CDH18: variants seen among roughly 807,000 people sequenced by gnomAD.
CDH18 encodes cadherin-18.
CDH18 carries 31 observed loss-of-function variants against 67.9 expected under a neutral mutation model. The ratio of observed to expected loss-of-function variants is 0.46; its 90% CI spans 0.34 to 0.62. The LOEUF (loss-of-function observed/expected upper bound fraction) is 0.62. Among genes scored for constraint, CDH18 ranks in the 20% least tolerant of loss-of-function variants. CDH18 has a pLI of 0.01. For missense variants in CDH18, 890 were observed against 975.5 expected (o/e 0.91, Z 1.17); for synonymous variants, 362 against 347.2 (o/e 1.04, Z -0.48).
chr5:20,379,767 G>C (rs777824565), intron 1 of CDH18, among the ~76,000 whole-genome samples: 1 of 151,452 alleles, frequency 6.6e-6, no homozygotes, highest in Non-Finnish European at 1.5e-5. Flanking sequence ...GTTGTACTGT[G>C]GATAGCATTT....
At chr5:20,309,875 T>C (rs925723696) in intron 1 of CDH18, among the ~76,000 whole-genome samples, 7 of 152,208 alleles carry the variant, frequency 4.6e-5, no homozygotes, top group Admixed American at 2.6e-4. Context: ...TCTCTATACT[T>C]TTTGTATCTT....
intron 2 of CDH18, among the ~76,000 whole-genome samples, chr5:20,108,466 A>G (rs1747178560): frequency 6.6e-6 from 1 of 152,106 alleles, no homozygotes; most frequent in Non-Finnish European, 1.5e-5. Context: ...CCGATGTGTG[A>G]ATTTCAGGTA....
intron 7 of CDH18, among the ~76,000 whole-genome samples, chr5:19,579,146 A>G (rs1742808522): frequency 6.6e-6 from 1 of 151,990 alleles, no homozygotes. Flanking sequence ...TCTATCACAG[A>G]CTGAAATTTG....
At chr5:19,567,135 T>A (rs1272554042) in intron 8 of CDH18, among the ~76,000 whole-genome samples, 1 of 152,096 alleles carries the variant, frequency 6.6e-6, no homozygotes, top group South Asian at 2.1e-4. Flanking sequence ...GTAAAAAATG[T>A]AGTTAGAAGG....
chr5:20,250,342 G>A (rs544224473), intron 2 of CDH18, among the ~76,000 whole-genome samples: 1,708 of 151,770 alleles, frequency 0.011, 34 homozygotes, highest in African/African-American at 0.039. Flanking sequence ...CGCCAGGCTG[G>A]AGTGCAGCCG....
intron 2 of CDH18, among the ~76,000 whole-genome samples, chr5:19,918,225 GA>G (rs1792045458): frequency 1.3e-5 from 2 of 152,176 alleles, no homozygotes; most frequent in East Asian, 3.9e-4. Flanking sequence ...GGATAACTTT[GA>G]AAAATGAAGA....
intron 5 of CDH18, among the ~76,000 whole-genome samples, chr5:19,686,170 C>T (rs62351321): frequency 0.23 from 34,349 of 151,752 alleles, 4,171 homozygotes; most frequent in Non-Finnish European, 0.26. Flanking sequence ...AAAACCAGCA[C>T]GCAATAAAAC....
At chr5:20,379,802 AC>A (rs201491572) in intron 1 of CDH18, among the ~76,000 whole-genome samples, 23,080 of 151,796 alleles carry the variant, frequency 0.15, 2,184 homozygotes, top group East Asian at 0.26. Context: ...TGAAAAAAAA[AC>A]ATTAAATTAT....
chr5:20,309,079 T>A (rs1736759870), intron 1 of CDH18, among the ~76,000 whole-genome samples: 1 of 152,194 alleles, frequency 6.6e-6, no homozygotes, highest in Non-Finnish European at 1.5e-5. Context: ...AACACACATG[T>A]ACACACATCG....
chr5:20,188,897 T>C (rs1738317135), intron 2 of CDH18, among the ~76,000 whole-genome samples: 2 of 151,138 alleles, frequency 1.3e-5, no homozygotes, highest in Non-Finnish European at 2.9e-5. Flanking sequence ...ACTTTCCATT[T>C]TGAACAGGTA....
At chr5:19,807,583 A>G (rs897460676) in intron 3 of CDH18, among the ~76,000 whole-genome samples, 1 of 152,108 alleles carries the variant, frequency 6.6e-6, no homozygotes, top group Non-Finnish European at 1.5e-5. Flanking sequence ...TTCTTTCCTA[A>G]ACCACAGGTA....
At chr5:20,315,779 T>C (rs1273462440) in intron 1 of CDH18, among the ~76,000 whole-genome samples, 1 of 152,164 alleles carries the variant, frequency 6.6e-6, no homozygotes, top group African/African-American at 2.4e-5. Context: ...CCAGTAACTC[T>C]AGATCATAGC....
intron 1 of CDH18, among the ~76,000 whole-genome samples, chr5:20,361,580 T>A (rs1032896287): frequency 1.3e-5 from 2 of 152,112 alleles, no homozygotes; most frequent in Admixed American, 1.3e-4. Context: ...CTTGCATTTC[T>A]TACACTAAAA....
chr5:20,378,130 T>C (rs1210618519), intron 1 of CDH18, among the ~76,000 whole-genome samples: 1 of 152,200 alleles, frequency 6.6e-6, no homozygotes, highest in African/African-American at 2.4e-5. Context: ...AGAAAGAGAA[T>C]GCTCTTCTCA....
At chr5:20,063,492 C>T (rs569993369) in intron 2 of CDH18, among the ~76,000 whole-genome samples, 17 of 152,156 alleles carry the variant, frequency 1.1e-4, no homozygotes, top group Non-Finnish European at 2.1e-4. Flanking sequence ...ATCAACATTG[C>T]ACCCTGGTCC....
chr5:19,976,669 A>G (rs1798535906), intron 2 of CDH18, among the ~76,000 whole-genome samples: 1 of 152,194 alleles, frequency 6.6e-6, no homozygotes. Context: ...TAGAATCCAG[A>G]GTGACAGAGG....
intron 1 of CDH18, among the ~76,000 whole-genome samples, chr5:20,327,923 T>G (rs188642307): frequency 1.3e-4 from 19 of 151,956 alleles, no homozygotes; most frequent in African/African-American, 4.3e-4. Flanking sequence ...AAAGTTGAGA[T>G]AAAAGAAAAA....
intron 8 of CDH18, among the ~76,000 whole-genome samples, chr5:19,552,525 G>A (rs1000248648): frequency 6.6e-6 from 1 of 152,010 alleles, no homozygotes; most frequent in African/African-American, 2.4e-5. Context: ...TAGACTCAAC[G>A]GCTACTCTTA....
chr5:20,092,508 T>C (rs992547571), intron 2 of CDH18, among the ~76,000 whole-genome samples: 26 of 152,320 alleles, frequency 1.7e-4, no homozygotes, highest in Admixed American at 4.6e-4. Flanking sequence ...AAAGTAATTG[T>C]AAGTGTTTTA....
Sources: allele counts gnomAD v4.1 joint callset (sites outside exome capture counted in the v4.1 genomes callset), GRCh38; gene constraint gnomAD v4.1.1; transcripts MANE v1.5; gene names NCBI Gene and HGNC (gene_info 2026-07-23, HGNC 2026-07-21).